KAZN: variants seen among roughly 807,000 people sequenced by gnomAD.
The protein encoded by KAZN is kazrin.
In KAZN, 40 loss-of-function variants were observed where a neutral mutation model predicts 87.4. The observed-to-expected ratio is 0.46, with a 90% CI of 0.36 to 0.60. The LOEUF (loss-of-function observed/expected upper bound fraction) is 0.60. Among genes scored for constraint, KAZN ranks in the 20% least tolerant of loss-of-function variants. The pLI is 0.00. For synonymous variants in KAZN, 466 were observed against 458.3 expected, an observed-to-expected ratio of 1.02 and a Z score of -0.22; for missense variants, 898 against 1,073.9, an observed-to-expected ratio of 0.84 and a Z score of 2.29.
chr1:14,424,108 C>T (rs1242455236), intron 2 of KAZN, among the ~76,000 whole-genome samples: 2 of 152,110 alleles, frequency 1.3e-5, no homozygotes. Context: ...CCACAGAGTC[C>T]CAACTCACAT....
At chr1:15,034,530 TGA>T (rs1344982152) in intron 2 of KAZN, among the ~76,000 whole-genome samples, 5 of 152,180 alleles carry the variant, frequency 3.3e-5, no homozygotes, top group Non-Finnish European at 2.9e-5. Flanking sequence ...TTGACACAGC[TGA>T]GAGGGGAGAA....
intron 2 of KAZN, among the ~76,000 whole-genome samples, chr1:14,345,680 TA>T (rs1658054723): frequency 6.6e-6 from 1 of 152,166 alleles, no homozygotes; most frequent in Non-Finnish European, 1.5e-5. Flanking sequence ...AGACAACGCT[TA>T]GATTATGATG....
intron 1 of KAZN, among the ~76,000 whole-genome samples, chr1:14,040,725 AC>A (rs1641796993): frequency 6.6e-6 from 1 of 151,916 alleles, no homozygotes. Context: ...AGATCGCACC[AC>A]TGCACTCTAG....
intron 2 of KAZN, among the ~76,000 whole-genome samples, chr1:14,353,349 C>CG (rs1369203294): frequency 3.0e-5 from 2 of 66,512 alleles, no homozygotes; most frequent in African/African-American, 1.9e-4. Flanking sequence ...CTCAGCCTCC[C>CG]AATAGCTGGG....
intron 2 of KAZN, among the ~76,000 whole-genome samples, chr1:14,555,686 A>C (rs1404298447): frequency 6.6e-6 from 1 of 152,234 alleles, no homozygotes; most frequent in Non-Finnish European, 1.5e-5. Flanking sequence ...TAGTGATAAA[A>C]GGGCAGATAA....
chr1:14,540,231 A>G (rs1672728945), intron 2 of KAZN, among the ~76,000 whole-genome samples: 1 of 152,176 alleles, frequency 6.6e-6, no homozygotes, highest in South Asian at 2.1e-4. Context: ...TTATGAGACC[A>G]TACGGTGACA....
chr1:15,029,281 G>C (rs1671452722), intron 2 of KAZN, among the ~76,000 whole-genome samples: 1 of 152,214 alleles, frequency 6.6e-6, no homozygotes, highest in African/African-American at 2.4e-5. Context: ...CACAAGGCAG[G>C]AACCACGTCT....
chr1:14,227,326 G>A (rs974634675), intron 2 of KAZN, among the ~76,000 whole-genome samples: 1 of 152,112 alleles, frequency 6.6e-6, no homozygotes, highest in Admixed American at 6.5e-5. Flanking sequence ...CAGTGAGAAT[G>A]GTTCTTCTCT....
At position 15,077,831 on chromosome 1, in the gene KAZN, T is replaced by C. The variant is rs1193389182; in HGVS notation, c.1222+12078T>C. Among the ~76,000 whole-genome samples the C allele has an allele frequency of 6.6e-6, 1 of 152,132 alleles. No homozygotes were observed. The highest frequency in any genetic ancestry group is 1.5e-5 in the Non-Finnish European group (1 of 68,016). ...GGAATGGGGACAAAGACTGGCTTCATGGGAGCAGGAGAGGTAGCAGGGGGT... is the reference window on the plus strand; with the variant it reads ...GGAATGGGGACAAAGACTGGCTTCACGGGAGCAGGAGAGGTAGCAGGGGGT... On this transcript the variant is annotated intron_variant, in intron 8 of 14. Coordinates refer to ENST00000376030, the MANE Select transcript of KAZN (RefSeq NM_201628.3). This position sits in a 1 kb window ranked among gnomAD's most constrained non-coding sequence, Gnocchi z 4.8.
chr1:15,079,449 AT>A (rs1013634419), intron 8 of KAZN, among the ~76,000 whole-genome samples: 344 of 147,142 alleles, frequency 2.3e-3, no homozygotes, highest in Non-Finnish European at 3.6e-3. Context: ...CTGTTGGCTT[AT>A]TTTTTTTTTT....
At chr1:13,922,309 C>G (rs765211305) in intron 1 of KAZN, among the ~76,000 whole-genome samples, 1 of 152,122 alleles carries the variant, frequency 6.6e-6, no homozygotes, top group African/African-American at 2.4e-5. Flanking sequence ...ATGTATTAGA[C>G]TTTGGGCCAC....
intron 1 of KAZN, among the ~76,000 whole-genome samples, chr1:14,050,594 G>C (rs1388522159): frequency 6.6e-6 from 1 of 152,180 alleles, no homozygotes; most frequent in Non-Finnish European, 1.5e-5. Flanking sequence ...ACAGCATGGA[G>C]GAAACTGCCC....
chr1:14,466,769 CCATCCTGGCTAA>C (rs1334412628), intron 2 of KAZN, among the ~76,000 whole-genome samples: 6 of 151,850 alleles, frequency 4.0e-5, no homozygotes, highest in African/African-American at 7.3e-5. Flanking sequence ...GAGATGGAGA[CCATCCTGGCTAA>C]CACGGTGAAA....
rs149481109 is a variant in KAZN, at chr1:14,223,745, A to T, written c.249+43153A>T. On this transcript the variant is annotated intron_variant, in intron 2 of 16. Coordinates refer to the KAZN transcript ENST00000636203. ...TCGACGATGAAACTGATACGAAAGG[A>T]GAAACACTGGATTAATTAAGAGTAT... is the stretch of plus-strand genomic sequence containing the variant. Among the ~76,000 whole-genome samples, 1,320 of 152,366 alleles carry T rather than the reference A, an allele frequency of 8.7e-3. 7 individuals are homozygous for T. Among genetic ancestry groups the T allele is most frequent in the Non-Finnish European group, 0.014 (928 of 68,038 alleles).
chr1:13,984,354 G>A (rs144550102), intron 1 of KAZN, among the ~76,000 whole-genome samples: 1 of 152,156 alleles, frequency 6.6e-6, no homozygotes, highest in Admixed American at 6.5e-5. Flanking sequence ...TCTAGGAAAC[G>A]GGCAATGGGC....
chr1:14,448,642 C>T (rs556726531), intron 2 of KAZN, among the ~76,000 whole-genome samples: 2 of 152,302 alleles, frequency 1.3e-5, no homozygotes, highest in Admixed American at 1.3e-4. Context: ...GACTGGACAC[C>T]AGCCCCAGAG....
intron 1 of KAZN, among the ~76,000 whole-genome samples, chr1:14,755,147 G>A (rs966926844): frequency 3.3e-5 from 5 of 150,908 alleles, no homozygotes; most frequent in African/African-American, 1.2e-4. Flanking sequence ...CAGCTACTCA[G>A]GAGGCTGAGG....
chr1:14,883,341 A>G (rs1439953045), intron 1 of KAZN, among the ~76,000 whole-genome samples: 4 of 29,496 alleles, frequency 1.4e-4, no homozygotes, highest in Admixed American at 9.6e-4. Flanking sequence ...AGAGAGAGAG[A>G]GAAAGAAAGA....
At chr1:15,044,968 C>G (rs889335737) in intron 4 of KAZN, among the ~76,000 whole-genome samples, 2 of 152,146 alleles carry the variant, frequency 1.3e-5, no homozygotes, top group Non-Finnish European at 2.9e-5. Context: ...AAACCAAACC[C>G]TCAAAATACT....
Sources: allele counts gnomAD v4.1 joint callset (sites outside exome capture counted in the v4.1 genomes callset), GRCh38; gene constraint gnomAD v4.1.1; non-coding constraint Gnocchi (gnomAD v3.1); transcripts MANE v1.5; gene names NCBI Gene and HGNC (gene_info 2026-07-23, HGNC 2026-07-21).